The following CRAMP1 variants were observed in gnomAD, a reference collection of about 807,000 sequenced individuals.
The protein encoded by CRAMP1 is cramped chromatin regulator 1, also known as protein cramped-like.
Under a neutral mutation model 115.4 loss-of-function variants are expected in CRAMP1, and 50 were observed. The ratio of observed to expected loss-of-function variants is 0.43; its 90% CI spans 0.35 to 0.55. The LOEUF (loss-of-function observed/expected upper bound fraction) is 0.55. Ranked by LOEUF, CRAMP1 falls within the 20% of genes least tolerant of loss-of-function variation. The pLI is 0.01. For synonymous variants in CRAMP1, 866 were observed against 745.4 expected (o/e 1.16, Z -2.64); for missense variants, 1,679 against 1,721.7 (o/e 0.98, Z 0.44).
chr16:1,637,684 C>G (rs997525128), intron 4 of CRAMP1, 140 bp from the exon 5 acceptor site: 1 of 442,206 alleles, frequency 2.3e-6, no homozygotes, highest in African/African-American at 2.0e-5. Flanking sequence ...GCCCAGTGTC[C>G]CCTGTGGTTG....
Position 1,667,360 on chromosome 16 carries a change from C to G in CRAMP1, c.3062C>G (p.Pro1021Arg). The change falls in exon 17 of 21, where the codon CCT becomes CGT. Residue 1021 changes from proline (P) to arginine (R), a missense_variant. This residue lies in a region of CRAMP1 where 709 missense variants were observed against 741.9 expected (regional missense o/e 0.96). Transcript: ENST00000397412. ...GGCTCCGACCCATTTGTCAGCATCC[C>G]TTCGAGGCCTGAGCAGGAGCCAGTG... ...VGGSDPFVSI[P>R]SRPEQEPVAD... The G allele has an allele frequency of 6.2e-7, 1 of 1,613,274 alleles. No homozygotes were observed. Among genetic ancestry groups the G allele is most frequent in the Non-Finnish European group, 8.5e-7 (1 of 1,179,830 alleles).
intron 6 of CRAMP1, among the ~76,000 whole-genome samples, chr16:1,647,498 T>G (rs2036686118): frequency 6.6e-6 from 1 of 152,150 alleles, no homozygotes; most frequent in African/African-American, 2.4e-5. Flanking sequence ...CCCAGCACTT[T>G]GGGAGGCCGA....
chr16:1,612,423 G>T lies in CRAMP1; in HGVS notation c.-236G>T, dbSNP rs946403579. On this transcript the variant is annotated 5_prime_UTR_variant, in exon 1 of 21. Coordinates refer to ENST00000397412, the MANE Select transcript of CRAMP1 (RefSeq NM_020825.4). ...AGGGCGGCGGGCCGGCTTCGCTAGG[G>T]TGAGTGGCGGCAGTATCTGCGTCCG... 3 of 151,360 alleles carry T rather than the reference G, an allele frequency of 2.0e-5. No homozygotes were observed. The highest frequency in any genetic ancestry group is 4.4e-5 in the Non-Finnish European group (3 of 67,760). 9.4% of individuals were successfully genotyped at this position (151,360 alleles called of 1,614,324 possible).
chr16:1,622,744 G>A (rs1318633897), intron 2 of CRAMP1, among the ~76,000 whole-genome samples: 2 of 151,280 alleles, frequency 1.3e-5, no homozygotes, highest in African/African-American at 2.4e-5. Context: ...CACCACGCCC[G>A]GCAGTCTACT....
Position 1,614,732 on chromosome 16 carries a change from AGG to A in CRAMP1, c.96_97del (p.Ala33ArgfsTer85). On this transcript the variant is annotated frameshift_variant, in exon 2 of 21. Transcript: ENST00000397412. LOFTEE classifies it high-confidence loss of function. This position sits in a 1 kb window ranked among gnomAD's most constrained non-coding sequence, Gnocchi z 4.4. ...CCGATGAGGAGTCCCTGGAAGGAGA[AGG>A]GGCCGGCGGCGCAGACGCGGCCGAG... ...AADEESLEGEGAGGADAAEES... is the reference protein window; with the variant it reads ...AADEESLEGEXAGGADAAEES... 1 of 1,363,202 alleles carries A rather than the reference AGG, an allele frequency of 7.3e-7. No individual in the cohort carries two copies. Among genetic ancestry groups the A allele is most frequent in the African/African-American group, 1.5e-5 (1 of 66,592 alleles). The allele number at this position is 1,363,202 out of a possible 1,614,324, so 84.4% of individuals were successfully genotyped here. A position where few individuals can be genotyped will look rare whatever the true frequency, so the allele number is the denominator to read the frequency against.
chr16:1,634,389 T>TA, intron 4 of CRAMP1, among the ~76,000 whole-genome samples: 1 of 152,306 alleles, frequency 6.6e-6, no homozygotes, highest in Non-Finnish European at 1.5e-5. Context: ...CTTTCCCTGT[T>TA]AAACAACCTC....
At chr16:1,616,553 G>A (rs1461422938) in intron 2 of CRAMP1, among the ~76,000 whole-genome samples, 1 of 152,200 alleles carries the variant, frequency 6.6e-6, no homozygotes, top group African/African-American at 2.4e-5. Context: ...AGACGTTAGT[G>A]ATCAGGTCAA....
rs1421326646 is a variant in CRAMP1 at position 1,625,967 on chromosome 16, T to C, written c.347-6T>C. The C allele has an allele frequency of 6.4e-7, 1 of 1,551,486 alleles. No homozygotes were observed. ...ACAGATCACTGTACGGTGCTTTCTC[T>C]CCAAGGAGCTGAAGGTGGTGGATCA... is the stretch of plus-strand genomic sequence containing the variant. On this transcript the variant is annotated splice_polypyrimidine_tract_variant and splice_region_variant and intron_variant, in intron 2 of 20. Transcript: ENST00000397412.
intron 8 of CRAMP1, 87 bp downstream of exon 8, chr16:1,653,243 C>G: frequency 6.9e-7 from 1 of 1,448,464 alleles, no homozygotes; most frequent in Non-Finnish European, 9.4e-7. Flanking sequence ...AAGGAACTTC[C>G]AGGAGAAGCA....
At position 1,674,289 on chromosome 16, in the gene CRAMP1, G is replaced by A. The variant is rs756382218; in HGVS notation, c.*244G>A. On this transcript the variant is annotated 3_prime_UTR_variant, in exon 21 of 21. Transcript: ENST00000397412. Reference sequence around the variant, plus strand: ...TGGTACTAGAGCCGTTCTTCACCACGCCTGGGCCCATGTTAGGGTCTGCAT... The same window carrying A: ...TGGTACTAGAGCCGTTCTTCACCACACCTGGGCCCATGTTAGGGTCTGCAT... 51 of 543,372 alleles carry A rather than the reference G, an allele frequency of 9.4e-5. No homozygotes were observed. Among genetic ancestry groups the A allele is most frequent in the Non-Finnish European group, 4.6e-5 (14 of 303,296 alleles). 33.7% of individuals were successfully genotyped at this position (543,372 alleles called of 1,614,324 possible). A position where few individuals can be genotyped will look rare whatever the true frequency, so the allele number is the denominator to read the frequency against.
In CRAMP1 at chr16:1,614,290, C is replaced by T. The variant is rs1216689092; in HGVS notation, c.-1-349C>T. ...CCGCAACCGTGCCCAGACCCGCGCCCGCGCCGGGGCTCCCATAGACCCCGG... is the reference window on the plus strand; with the variant it reads ...CCGCAACCGTGCCCAGACCCGCGCCTGCGCCGGGGCTCCCATAGACCCCGG... On this transcript the variant is annotated intron_variant, in intron 1 of 20. Coordinates refer to ENST00000397412, the MANE Select transcript of CRAMP1 (RefSeq NM_020825.4). This position sits in a 1 kb window ranked among gnomAD's most constrained non-coding sequence, Gnocchi z 4.4. Among the ~76,000 whole-genome samples, 1 of 140,070 alleles carries T rather than the reference C, an allele frequency of 7.1e-6. No individual in the cohort carries two copies. Among genetic ancestry groups the T allele is most frequent in the East Asian group, 2.1e-4 (1 of 4,756 alleles). The allele number at this position is 140,070 out of a possible 152,430, so 91.9% of individuals were successfully genotyped here. A position where few individuals can be genotyped will look rare whatever the true frequency, so the allele number is the denominator to read the frequency against.
rs746287041 is a variant in CRAMP1, at chr16:1,662,680, G to C, written c.2595+9G>C. 1 of 1,613,966 alleles carries C rather than the reference G, an allele frequency of 6.2e-7. No individual in the cohort carries two copies. Among genetic ancestry groups the C allele is most frequent in the Admixed American group, 1.7e-5 (1 of 60,036 alleles). ...ATCTGAACTCCATCAGTGTGAGTGT[G>C]TGGGGCCGGGCCGCCCGCGTGCGAG... is the stretch of plus-strand genomic sequence containing the variant. On this transcript the variant is annotated intron_variant, in intron 12 of 20. Transcript: ENST00000397412.
At chr16:1,659,540 A>G (rs935319315) in intron 10 of CRAMP1, among the ~76,000 whole-genome samples, 17 of 151,396 alleles carry the variant, frequency 1.1e-4, no homozygotes, top group Admixed American at 1.1e-3. Flanking sequence ...GGCGCCCACC[A>G]CCACACCCGG....
At chr16:1,670,532 G>A (rs903225184) in intron 19 of CRAMP1, 132 bp from the exon 20 acceptor site, 12 of 931,814 alleles carry the variant, frequency 1.3e-5, no homozygotes, top group African/African-American at 6.6e-5. Flanking sequence ...GAAGCTCTTC[G>A]CACAAGTCTG....
At chr16:1,661,871 G>A (rs1286517351) in intron 11 of CRAMP1, among the ~76,000 whole-genome samples, 1 of 152,144 alleles carries the variant, frequency 6.6e-6, no homozygotes, top group Non-Finnish European at 1.5e-5. Flanking sequence ...CATTTAGCAG[G>A]GTCCCACAAT....
chr16:1,653,270 C>A, intron 8 of CRAMP1, 114 bp downstream of exon 8: 1 of 1,248,248 alleles, frequency 8.0e-7, no homozygotes, highest in Non-Finnish European at 1.1e-6. Context: ...CCCCTATGCT[C>A]TGTCATCACA....
At chr16:1,613,603 A>G (rs1478310633) in intron 1 of CRAMP1, among the ~76,000 whole-genome samples, 3 of 152,054 alleles carry the variant, frequency 2.0e-5, no homozygotes, top group African/African-American at 7.2e-5. Flanking sequence ...GTCTGAGTTT[A>G]TTTTTGAGTG....
intron 6 of CRAMP1, chr16:1,645,429 C>A: frequency 5.1e-6 from 1 of 194,910 alleles, no homozygotes; most frequent in Non-Finnish European, 1.1e-5. Flanking sequence ...CTCAGGTTAT[C>A]CTCCCACCTT....
At chr16:1,639,892 C>A (rs183580189) in intron 5 of CRAMP1, among the ~76,000 whole-genome samples, 2 of 152,186 alleles carry the variant, frequency 1.3e-5, no homozygotes, top group Non-Finnish European at 2.9e-5. Flanking sequence ...CCTCTAGACC[C>A]TATTCTCCTG....
Sources: allele counts gnomAD v4.1 joint callset (sites outside exome capture counted in the v4.1 genomes callset), GRCh38; gene constraint gnomAD v4.1.1; regional missense constraint gnomAD v4.1.1; non-coding constraint Gnocchi (gnomAD v3.1); transcripts MANE v1.5; gene names NCBI Gene and HGNC (gene_info 2026-07-23, HGNC 2026-07-21).